VAMP5: variants seen among roughly 807,000 people sequenced by gnomAD.
VAMP5 encodes vesicle-associated membrane protein 5.
A neutral mutation model predicts 8.1 loss-of-function variants in VAMP5; 10 were observed. The ratio of observed to expected loss-of-function variants is 1.23; its 90% CI spans 0.76 to 2.09. The LOEUF (loss-of-function observed/expected upper bound fraction) is 2.09, where lower values mean the gene tolerates loss of function less well. Ranked by LOEUF, VAMP5 falls within the 30% of genes most tolerant of loss-of-function variation. The probability of loss-of-function intolerance (pLI) is 0.00; values close to 1 mark genes in which losing one functional copy is unlikely to be tolerated. For missense variants in VAMP5, 135 were observed against 152.5 expected, an observed-to-expected ratio of 0.89 and a Z score of 0.60; for synonymous variants, 62 against 60.6, an observed-to-expected ratio of 1.02 and a Z score of -0.11.
At chr2:85,592,839 G>A in intron 2 of VAMP5, 109 bp from the exon 3 acceptor site, 2 of 998,550 alleles carry the variant, frequency 2.0e-6, no homozygotes, top group Non-Finnish European at 3.1e-6. Context: ...ACAAGATGGG[G>A]AGGATGCAGG....
At chr2:85,590,955 G>A (rs1171206386) in intron 1 of VAMP5, among the ~76,000 whole-genome samples, 2 of 152,182 alleles carry the variant, frequency 1.3e-5, no homozygotes, top group Non-Finnish European at 2.9e-5. Context: ...ATGAGCTGGT[G>A]TTTTCTGTTA....
chr2:85,584,772 G>A (rs568258404), intron 1 of VAMP5, among the ~76,000 whole-genome samples: 2 of 152,366 alleles, frequency 1.3e-5, no homozygotes, highest in African/African-American at 4.8e-5. Context: ...TAAGAGCACC[G>A]ACTTTGGAGT....
chr2:85,593,354 C>A lies in VAMP5; in HGVS notation c.*197C>A. On this transcript the variant is annotated 3_prime_UTR_variant, in exon 3 of 3. Transcript: ENST00000306384. Reference sequence around the variant, plus strand: ...TGCTGTACTGGCCATGCTGGGCCAGCCCCACCTGGAGCTCAGTAAAAACTG... The same window carrying A: ...TGCTGTACTGGCCATGCTGGGCCAGACCCACCTGGAGCTCAGTAAAAACTG... 1.6e-6 allele frequency: 1 copy of A among 623,344 alleles called. No individual in the cohort carries two copies. Among genetic ancestry groups the A allele is most frequent in the Non-Finnish European group, 2.8e-6 (1 of 355,762 alleles). The allele number at this position is 623,344 out of a possible 1,614,324, so 38.6% of individuals were successfully genotyped here.
At chr2:85,587,808 T>G (rs1457973660) in intron 1 of VAMP5, among the ~76,000 whole-genome samples, 1 of 152,106 alleles carries the variant, frequency 6.6e-6, no homozygotes, top group Non-Finnish European at 1.5e-5. Flanking sequence ...GAAGCAGGAT[T>G]TCAACAGACG....
At chr2:85,585,944 T>C (rs1672454003) in intron 1 of VAMP5, among the ~76,000 whole-genome samples, 2 of 152,284 alleles carry the variant, frequency 1.3e-5, no homozygotes, top group East Asian at 1.9e-4. Context: ...GTGACAAGTA[T>C]AGGGGACAGA....
chr2:85,592,509 G>A (rs1672555415), intron 2 of VAMP5, among the ~76,000 whole-genome samples: 1 of 152,106 alleles, frequency 6.6e-6, no homozygotes, highest in African/African-American at 2.4e-5. Flanking sequence ...GGTATAGAAA[G>A]AGAGCAGACA....
Position 85,584,466 on chromosome 2 carries a change from G to T in VAMP5, c.-25G>T. ...CTCCGCAGGCAGAGAAGCCGGGAGC[G>T]GGCGAGGCGGCGGCGGCAGCAGCGA... On this transcript the variant is annotated 5_prime_UTR_variant, in exon 1 of 3. Transcript: ENST00000306384. 3 of 1,244,256 alleles carry T rather than the reference G, an allele frequency of 2.4e-6. No individual in the cohort carries two copies. The highest frequency in any genetic ancestry group is 7.2e-5 in the South Asian group (2 of 27,954). The allele number at this position is 1,244,256 out of a possible 1,614,324, so 77.1% of individuals were successfully genotyped here.
chr2:85,588,558 T>C (rs542889307), intron 1 of VAMP5, among the ~76,000 whole-genome samples: 37 of 152,298 alleles, frequency 2.4e-4, no homozygotes, highest in African/African-American at 8.4e-4. Flanking sequence ...GCAGTCTTGC[T>C]GATGGTACTT....
In VAMP5 at chr2:85,593,130, A is replaced by C. The variant is rs1440410232; in HGVS notation, c.324A>C (p.Ala108=). The C allele has an allele frequency of 6.2e-7, 1 of 1,614,192 alleles. No individual in the cohort carries two copies. Among genetic ancestry groups the C allele is most frequent in the African/African-American group, 1.3e-5 (1 of 75,052 alleles). The change falls in exon 3 of 3, where the codon GCA becomes GCC. Residue 108 remains alanine (A), a synonymous_variant. Transcript: ENST00000306384. ...DSSSAPRTQD[A]GIASGPGN is the part of the protein sequence containing the mutation. ...GTAGTGCCCCACGGACCCAGGATGC[A>C]GGCATTGCCTCAGGGCCTGGGAACT...
intron 1 of VAMP5, among the ~76,000 whole-genome samples, chr2:85,589,225 C>G (rs1174518407): frequency 6.6e-6 from 1 of 152,236 alleles, no homozygotes; most frequent in Non-Finnish European, 1.5e-5. Flanking sequence ...CCCTTGTCCT[C>G]TTGCTTACCT....
At chr2:85,584,603 G>A in intron 1 of VAMP5, 110 bp downstream of exon 1, 2 of 1,205,210 alleles carry the variant, frequency 1.7e-6, no homozygotes, top group Non-Finnish European at 2.1e-6. Context: ...TGGGGCCCAC[G>A]AGGGCCAGAC....
intron 1 of VAMP5, 72 bp from the exon 2 acceptor site, chr2:85,591,653 T>C: frequency 2.5e-6 from 4 of 1,604,150 alleles, no homozygotes; most frequent in Non-Finnish European, 3.4e-6. Flanking sequence ...AGAAGGAGGC[T>C]TCTAGATCTC....
intron 2 of VAMP5, 102 bp from the exon 3 acceptor site, chr2:85,592,846 C>A (rs530931143): frequency 5.5e-6 from 6 of 1,090,112 alleles, no homozygotes; most frequent in South Asian, 1.3e-5. Context: ...GGGGAGGATG[C>A]AGGAGGAGAC....
intron 2 of VAMP5, 126 bp from the exon 3 acceptor site, chr2:85,592,822 A>AAAAAAAAAAAAT: frequency 1.1e-6 from 1 of 870,732 alleles, no homozygotes; most frequent in African/African-American, 1.7e-5. Context: ...AAAAAGAAAG[A>AAAAAAAAAAAAT]AAGTAGACAA....
Position 85,591,869 on chromosome 2 carries a change from G to A in VAMP5, c.141+7G>A. ...AGACCAACTCCTGGATATGGTGTGA[G>A]GCCTGGGGGAGCATGGAGGGGAGGG... On this transcript the variant is annotated splice_region_variant and intron_variant, in intron 2 of 2. Coordinates refer to ENST00000306384, the MANE Select transcript of VAMP5 (RefSeq NM_006634.3). 1 of 1,614,092 alleles carries A rather than the reference G, an allele frequency of 6.2e-7. No individual in the cohort carries two copies. Among genetic ancestry groups the A allele is most frequent in the Non-Finnish European group, 8.5e-7 (1 of 1,179,996 alleles).
At chr2:85,587,261 ATT>A (rs10594889) in intron 1 of VAMP5, among the ~76,000 whole-genome samples, 35,462 of 145,426 alleles carry the variant, frequency 0.24, 4,866 homozygotes, top group African/African-American at 0.38. Flanking sequence ...GTATTACACA[ATT>A]TTTTTTTTTT....
At chr2:85,591,615 C>A in intron 1 of VAMP5, 110 bp from the exon 2 acceptor site, 1 of 1,514,848 alleles carries the variant, frequency 6.6e-7, no homozygotes, top group Non-Finnish European at 9.0e-7. Context: ...GATGCTGTTA[C>A]TCTCATGCTG....
Position 85,593,060 on chromosome 2 carries a change from T to C in VAMP5, c.254T>C (p.Leu85Pro). 2 of 1,614,234 alleles carry C rather than the reference T, an allele frequency of 1.2e-6. No homozygotes were observed. The highest frequency in any genetic ancestry group is 1.3e-5 in the African/African-American group (1 of 75,054). Residue 85 changes from leucine (L) to proline (P), a missense_variant, in exon 3 of 3, where the codon CTG becomes CCG. By Grantham distance (98) the Leu-to-Pro change is moderately conservative. Coordinates refer to ENST00000306384, the MANE Select transcript of VAMP5 (RefSeq NM_006634.3). ...LVVVGVLLIILIVLLVVFLPQ... is the reference protein window; with the variant it reads ...LVVVGVLLIIPIVLLVVFLPQ... Reference sequence around the variant, plus strand: ...GTGGTTGGTGTCCTGCTCATCATCCTGATTGTGCTGCTGGTCGTCTTTCTC... The same window carrying C: ...GTGGTTGGTGTCCTGCTCATCATCCCGATTGTGCTGCTGGTCGTCTTTCTC...
intron 2 of VAMP5, 135 bp downstream of exon 2, chr2:85,591,997 C>T (rs1573351506): frequency 7.4e-7 from 1 of 1,348,446 alleles, no homozygotes. Context: ...TGGGTTTCCT[C>T]AGGCACCCAT....
Sources: gnomAD v4.1 joint callset for allele counts (sites outside exome capture counted in the v4.1 genomes callset) on GRCh38, gnomAD v4.1.1 for gene constraint, MANE v1.5 for transcripts, NCBI Gene and HGNC (gene_info 2026-07-23, HGNC 2026-07-21) for gene names.